Variants in RBFOX1 observed in about 807,000 individuals in gnomAD.
RBFOX1 encodes the protein RNA binding protein fox-1 homolog 1.
In RBFOX1, 8 loss-of-function variants were observed where a neutral mutation model predicts 57.7. The ratio of observed to expected loss-of-function variants is 0.14; its 90% CI spans 0.08 to 0.25. The LOEUF is 0.25. RBFOX1 is among the 10% of genes least tolerant of loss of function. The probability of loss-of-function intolerance (pLI) is 1.00; values close to 1 mark genes in which losing one functional copy is unlikely to be tolerated. For synonymous variants in RBFOX1, 326 were observed against 222.4 expected, an observed-to-expected ratio of 1.47 and a Z score of -4.15; for missense variants, 611 against 548.5, an observed-to-expected ratio of 1.11 and a Z score of -1.14.
chr16:7,323,435 A>G (rs1354922570), intron 4 of RBFOX1, among the ~76,000 whole-genome samples: 1 of 152,196 alleles, frequency 6.6e-6, no homozygotes, highest in Non-Finnish European at 1.5e-5. Flanking sequence ...ATAAATAAAT[A>G]AAATAATTTT....
At chr16:7,701,815 T>C (rs1236044381) in intron 14 of RBFOX1, among the ~76,000 whole-genome samples, 2 of 152,188 alleles carry the variant, frequency 1.3e-5, no homozygotes, top group Non-Finnish European at 2.9e-5. Context: ...TTGACCCTTG[T>C]AGAGTGAAAG....
At chr16:6,909,325 C>A (rs1245505351) in intron 3 of RBFOX1, among the ~76,000 whole-genome samples, 2 of 152,190 alleles carry the variant, frequency 1.3e-5, no homozygotes, top group African/African-American at 4.8e-5. Flanking sequence ...CTTCTCTGGT[C>A]TTCCTCTTGT....
At chr16:6,544,162 G>A (rs2096862879) in intron 2 of RBFOX1, among the ~76,000 whole-genome samples, 3 of 152,148 alleles carry the variant, frequency 2.0e-5, no homozygotes, top group South Asian at 4.1e-4. Flanking sequence ...AACTTCCACG[G>A]TGCTCATCCC....
At chr16:5,480,043 T>A (rs548565057) in intron 2 of RBFOX1, among the ~76,000 whole-genome samples, 3 of 152,168 alleles carry the variant, frequency 2.0e-5, no homozygotes, top group Admixed American at 2.0e-4. Flanking sequence ...GGTCAGAAAG[T>A]GGTGTTCTGC....
chr16:6,090,128 GC>G (rs1451972482), intron 1 of RBFOX1: 1 of 152,132 alleles, frequency 6.6e-6, no homozygotes, highest in Non-Finnish European at 1.5e-5. Context: ...CATCTTCAAA[GC>G]CAGCATTGGT....
chr16:7,039,714 C>T (rs535309973), intron 3 of RBFOX1, among the ~76,000 whole-genome samples: 3 of 152,202 alleles, frequency 2.0e-5, no homozygotes, highest in Admixed American at 6.5e-5. Context: ...GATACACTTG[C>T]AAGAAGCAGT....
intron 3 of RBFOX1, among the ~76,000 whole-genome samples, chr16:6,662,890 C>A (rs985626021): frequency 7.2e-5 from 11 of 152,128 alleles, no homozygotes; most frequent in African/African-American, 2.4e-4. Context: ...CCCATAGACT[C>A]GTAAAACATT....
chr16:7,076,550 G>T (rs1203344734), intron 4 of RBFOX1, among the ~76,000 whole-genome samples: 4 of 152,002 alleles, frequency 2.6e-5, no homozygotes, highest in African/African-American at 9.7e-5. Flanking sequence ...GACTCAAATG[G>T]AACACCTGTG....
intron 1 of RBFOX1, among the ~76,000 whole-genome samples, chr16:5,445,196 G>A (rs892877592): frequency 6.6e-6 from 1 of 152,212 alleles, no homozygotes; most frequent in Non-Finnish European, 1.5e-5. Flanking sequence ...AGACCAGAGT[G>A]ATATTGTGAG....
chr16:6,931,789 A>C (rs2076603114), intron 3 of RBFOX1, among the ~76,000 whole-genome samples: 1 of 152,158 alleles, frequency 6.6e-6, no homozygotes, highest in African/African-American at 2.4e-5. Flanking sequence ...TGGGTAATTT[A>C]TAAAGAAAAA....
intron 4 of RBFOX1, among the ~76,000 whole-genome samples, chr16:5,989,399 G>C (rs758834643): frequency 2.0e-5 from 3 of 152,060 alleles, no homozygotes; most frequent in African/African-American, 7.2e-5. Flanking sequence ...CCTATAAAAT[G>C]AGAAAATATG....
In RBFOX1 at chr16:6,990,007, A is replaced by G. The variant is rs934065365; in HGVS notation, c.-15-62050A>G. 2.6e-5 allele frequency among the ~76,000 whole-genome samples: 4 copies of G among 152,252 alleles called. No homozygotes were observed. The East Asian group carries it at 7.7e-4, about 29-fold the overall frequency. On this transcript the variant is annotated intron_variant, in intron 3 of 15. Transcript: ENST00000550418. ...CAAGAGCGAGACTCTGTTTCACACAAAAAACTGAGAAAATGTCTGCAAACT... is the reference window on the plus strand; with the variant it reads ...CAAGAGCGAGACTCTGTTTCACACAGAAAACTGAGAAAATGTCTGCAAACT...
intron 1 of RBFOX1, among the ~76,000 whole-genome samples, chr16:5,340,899 A>G (rs143277106): frequency 1.3e-5 from 2 of 152,304 alleles, no homozygotes; most frequent in Admixed American, 6.5e-5. Flanking sequence ...ACAGCTGGGT[A>G]AGTGGGAGGA....
chr16:6,931,465 G>C (rs1407422231), intron 3 of RBFOX1, among the ~76,000 whole-genome samples: 1 of 152,082 alleles, frequency 6.6e-6, no homozygotes, highest in Non-Finnish European at 1.5e-5. Flanking sequence ...TCTCTGCAGG[G>C]TATAATCCCA....
intron 3 of RBFOX1, among the ~76,000 whole-genome samples, chr16:5,786,183 T>C (rs547674239): frequency 6.6e-6 from 1 of 152,352 alleles, no homozygotes; most frequent in South Asian, 2.1e-4. Context: ...CTGTGTTCTC[T>C]CTGCCCTTCA....
intron 4 of RBFOX1, among the ~76,000 whole-genome samples, chr16:5,966,972 T>A: frequency 8.1e-6 from 1 of 123,936 alleles, no homozygotes; most frequent in East Asian, 2.8e-4. Flanking sequence ...CCTACTTAAT[T>A]GTCTTTCTTG....
chr16:5,482,193 T>A (rs2069567897), intron 2 of RBFOX1, among the ~76,000 whole-genome samples: 1 of 152,172 alleles, frequency 6.6e-6, no homozygotes, highest in South Asian at 2.1e-4. Flanking sequence ...TGTAAGACCT[T>A]TTGTTCCAGA....
intron 3 of RBFOX1, among the ~76,000 whole-genome samples, chr16:6,963,907 C>T (rs573855233): frequency 6.6e-6 from 1 of 152,090 alleles, no homozygotes; most frequent in Non-Finnish European, 1.5e-5. Context: ...ACTGTGTTAG[C>T]CAAGACGGTG....
At chr16:6,456,612 C>T (rs944670952) in intron 2 of RBFOX1, among the ~76,000 whole-genome samples, 1 of 152,088 alleles carries the variant, frequency 6.6e-6, no homozygotes, top group African/African-American at 2.4e-5. Flanking sequence ...GATAACTCTC[C>T]CTGCAGTGTG....
Sources: gnomAD v4.1 joint callset for allele counts (sites outside exome capture counted in the v4.1 genomes callset) on GRCh38, gnomAD v4.1.1 for gene constraint, MANE v1.5 for transcripts, NCBI Gene and HGNC (gene_info 2026-07-23, HGNC 2026-07-21) for gene names.